Variants in ATP10B observed in about 807,000 individuals in gnomAD.
ATP10B encodes the protein phospholipid-transporting ATPase VB.
A neutral mutation model predicts 141.2 loss-of-function variants in ATP10B; 122 were observed. That is an observed-to-expected ratio of 0.86 (90% CI 0.75 to 1.00). ATP10B has a LOEUF of 1.00. ATP10B is among the 50% of genes least tolerant of loss of function. The pLI is 0.00. For missense variants in ATP10B, 1,876 were observed against 1,825.3 expected, an observed-to-expected ratio of 1.03 and a Z score of -0.51; for synonymous variants, 685 against 692.0, an observed-to-expected ratio of 0.99 and a Z score of 0.16.
At chr5:160,792,240 C>T (rs1771625188) in intron 1 of ATP10B, among the ~76,000 whole-genome samples, 1 of 152,118 alleles carries the variant, frequency 6.6e-6, no homozygotes, top group Admixed American at 6.6e-5. Context: ...TCCTTTTATT[C>T]ACAGTTGTAT....
intron 12 of ATP10B, 26 bp downstream of exon 12, chr5:160,634,328 G>A: frequency 6.2e-7 from 1 of 1,614,062 alleles, no homozygotes; most frequent in East Asian, 2.2e-5. Context: ...TAGAAAGAGG[G>A]ATGGAGCCCT....
At chr5:160,926,013 A>G in the ATP10B span, among the ~76,000 whole-genome samples, 9 of 152,364 alleles carry the variant, frequency 5.9e-5, no homozygotes, top group East Asian at 1.7e-3. Flanking sequence ...AAGGCATTGC[A>G]CCTGGTGGAT....
At chr5:160,817,014 A>G (rs1453376144) in intron 1 of ATP10B, among the ~76,000 whole-genome samples, 4 of 152,134 alleles carry the variant, frequency 2.6e-5, no homozygotes, top group Non-Finnish European at 5.9e-5. Flanking sequence ...AAAATGATAA[A>G]AGCTATCTAT....
chr5:160,858,488 A>G, the ATP10B span, among the ~76,000 whole-genome samples: 1 of 151,798 alleles, frequency 6.6e-6, no homozygotes, highest in Non-Finnish European at 1.5e-5. Flanking sequence ...TGTTCCTTGG[A>G]GTCCCAGATA....
At position 160,631,195 on chromosome 5, in the gene ATP10B, T is replaced by G. The variant is rs557161667; in HGVS notation, c.1620+934A>C. Reference sequence around the variant, plus strand: ...GTATGTATCTCTTGTTCAAGATTGCTGGGGCTCCCTGTGGCCTCTTGTGCA... The same window carrying G: ...GTATGTATCTCTTGTTCAAGATTGCGGGGGCTCCCTGTGGCCTCTTGTGCA... On this transcript the variant is annotated intron_variant, in intron 13 of 25. Coordinates refer to ENST00000327245, the MANE Select transcript of ATP10B (RefSeq NM_025153.3). Among the ~76,000 whole-genome samples, 44 of 152,346 alleles carry G rather than the reference T, an allele frequency of 2.9e-4. 1 individual carries two copies. Among genetic ancestry groups the G allele is most frequent in the South Asian group, 2.1e-4 (1 of 4,824 alleles).
At chr5:160,794,622 C>T (rs769027429) in intron 1 of ATP10B, among the ~76,000 whole-genome samples, 3 of 152,182 alleles carry the variant, frequency 2.0e-5, no homozygotes, top group Non-Finnish European at 4.4e-5. Flanking sequence ...GAGGAAGCCT[C>T]ACTTTTCCCA....
At chr5:160,780,660 TACTC>T (rs1004256551) in intron 2 of ATP10B, among the ~76,000 whole-genome samples, 9 of 152,166 alleles carry the variant, frequency 5.9e-5, no homozygotes, top group African/African-American at 1.4e-4. Context: ...AAACTTTTCC[TACTC>T]ACCCACAAGA....
chr5:160,721,011 G>T (rs1765960186), intron 2 of ATP10B, among the ~76,000 whole-genome samples: 1 of 152,064 alleles, frequency 6.6e-6, no homozygotes, highest in Non-Finnish European at 1.5e-5. Flanking sequence ...AATACAAGTT[G>T]GTGTTGTCAT....
At chr5:160,865,806 T>C in the ATP10B span, among the ~76,000 whole-genome samples, 1 of 151,950 alleles carries the variant, frequency 6.6e-6, no homozygotes, top group Non-Finnish European at 1.5e-5. Flanking sequence ...CCAACAAACA[T>C]TAAAAATGCT....
upstream of ATP10B, among the ~76,000 whole-genome samples, chr5:160,854,620 C>A (rs186213479): frequency 1.1e-3 from 161 of 152,160 alleles, 3 homozygotes; most frequent in Admixed American, 9.2e-3. Context: ...GTGAACAGTG[C>A]TGTAATAAAC....
chr5:160,626,565 C>A (rs956969182), intron 13 of ATP10B, among the ~76,000 whole-genome samples: 5 of 152,198 alleles, frequency 3.3e-5, no homozygotes, highest in African/African-American at 1.2e-4. Flanking sequence ...CTGCCTGATG[C>A]CAAAGTCTAA....
chr5:160,870,950 C>T, the ATP10B span, among the ~76,000 whole-genome samples: 2 of 35,142 alleles, frequency 5.7e-5, no homozygotes, highest in South Asian at 2.0e-3. Context: ...AGAAAATAAC[C>T]AACAACCTAC....
At chr5:160,812,768 G>T (rs1304900307) in intron 1 of ATP10B, among the ~76,000 whole-genome samples, 5 of 152,146 alleles carry the variant, frequency 3.3e-5, no homozygotes, top group Non-Finnish European at 1.5e-5. Context: ...CTAGAAAATG[G>T]TTTCAAAAGG....
chr5:160,902,219 A>C, the ATP10B span, among the ~76,000 whole-genome samples: 1 of 152,242 alleles, frequency 6.6e-6, no homozygotes, highest in Non-Finnish European at 1.5e-5. Flanking sequence ...AATTCTAGAA[A>C]AATGAGACCT....
At chr5:160,685,345 C>T (rs1339790090) in intron 6 of ATP10B, 1 of 568,494 alleles carries the variant, frequency 1.8e-6, no homozygotes. Flanking sequence ...GGCTGCAAAC[C>T]CCAGGGGAGA....
chr5:160,638,141 A>T (rs1759554681), intron 10 of ATP10B, among the ~76,000 whole-genome samples: 1 of 152,186 alleles, frequency 6.6e-6, no homozygotes, highest in Non-Finnish European at 1.5e-5. Flanking sequence ...AATGGTGCTC[A>T]TTTGAGAGCT....
intron 20 of ATP10B, chr5:160,603,486 T>TCAGCTATAGTTA (rs1757214240): frequency 1.2e-5 from 2 of 166,736 alleles, no homozygotes; most frequent in African/African-American, 4.8e-5. Flanking sequence ...GTGTGTTCTA[T>TCAGCTATAGTTA]GTGTAGCCCA....
intron 2 of ATP10B, among the ~76,000 whole-genome samples, chr5:160,772,399 A>G (rs188514344): frequency 8.5e-5 from 13 of 152,266 alleles, no homozygotes; most frequent in Middle Eastern, 3.4e-3. Flanking sequence ...CAGGAAGCCA[A>G]CGGGAGGTGG....
In ATP10B at chr5:160,649,222, G is replaced by T; in HGVS notation, c.710C>A (p.Thr237Asn). 1 of 1,614,012 alleles carries T rather than the reference G, an allele frequency of 6.2e-7. No homozygotes were observed. Among genetic ancestry groups the T allele is most frequent in the Non-Finnish European group, 8.5e-7 (1 of 1,179,912 alleles). ...GTTGTTGGGTTTCTCACACACGATG[G>T]TATTGTGGAAAAGCTCTGGTTCGAA... ...VQFEPELFHN[T>N]IVCEKPNNHL... Residue 237 changes from threonine (T) to asparagine (N), a missense_variant, in exon 8 of 26, where the codon ACC (threonine) becomes AAC (asparagine). By Grantham distance (65) the Thr-to-Asn change is moderately conservative (BLOSUM62 0). Transcript: ENST00000327245.
Sources: gnomAD v4.1 joint callset for allele counts (sites outside exome capture counted in the v4.1 genomes callset) on GRCh38, gnomAD v4.1.1 for gene constraint, MANE v1.5 for transcripts, NCBI Gene and HGNC (gene_info 2026-07-23, HGNC 2026-07-21) for gene names.